Variants in SRGAP1 observed in about 807,000 individuals in gnomAD.
SRGAP1 encodes SLIT-ROBO Rho GTPase-activating protein 1.
SRGAP1 carries 43 observed loss-of-function variants against 121.9 expected under a neutral mutation model. That is an observed-to-expected ratio of 0.35 (90% CI 0.28 to 0.46). The LOEUF is 0.46. SRGAP1 is among the 20% of genes least tolerant of loss of function. SRGAP1 has a pLI of 1.00. For missense variants in SRGAP1, 1,102 were observed against 1,350.9 expected (o/e 0.82, Z 2.89); for synonymous variants, 447 against 485.4 (o/e 0.92, Z 1.04).
At chr12:63,898,062 T>C (rs1296150939) in intron 1 of SRGAP1, among the ~76,000 whole-genome samples, 1 of 152,226 alleles carries the variant, frequency 6.6e-6, no homozygotes, top group Non-Finnish European at 1.5e-5. Context: ...GCTGACTTTG[T>C]TATCTAACCA....
intron 1 of SRGAP1, among the ~76,000 whole-genome samples, chr12:63,862,383 C>T (rs1434441187): frequency 6.6e-6 from 1 of 152,102 alleles, no homozygotes; most frequent in Non-Finnish European, 1.5e-5. Flanking sequence ...CATTTACAAA[C>T]ATTCCAGCAG....
At chr12:63,873,794 G>A (rs1348406767) in intron 1 of SRGAP1, among the ~76,000 whole-genome samples, 2 of 151,608 alleles carry the variant, frequency 1.3e-5, no homozygotes, top group Non-Finnish European at 2.9e-5. Flanking sequence ...TTAGCCTCCT[G>A]AGTAGCTGGG....
At chr12:63,896,724 C>A (rs1231711366) in intron 1 of SRGAP1, among the ~76,000 whole-genome samples, 1 of 152,136 alleles carries the variant, frequency 6.6e-6, no homozygotes, top group Non-Finnish European at 1.5e-5. Flanking sequence ...CTTGTGTATA[C>A]CAGACAGAAT....
chr12:63,894,361 C>T (rs531386353), intron 1 of SRGAP1, among the ~76,000 whole-genome samples: 160 of 152,114 alleles, frequency 1.1e-3, no homozygotes, highest in Non-Finnish European at 1.7e-3. Context: ...TCTCCCCCTC[C>T]TAGCAACTCT....
At chr12:64,116,990 G>T (rs1360784244) in intron 18 of SRGAP1, among the ~76,000 whole-genome samples, 2 of 152,178 alleles carry the variant, frequency 1.3e-5, no homozygotes, top group Non-Finnish European at 2.9e-5. Context: ...ATTTCAGCAG[G>T]CTCTGGGGCA....
chr12:64,080,068 C>T (rs958889622), intron 9 of SRGAP1, among the ~76,000 whole-genome samples: 3 of 151,968 alleles, frequency 2.0e-5, no homozygotes, highest in Admixed American at 2.0e-4. Flanking sequence ...TACGGAGAAA[C>T]CCCATCTCTA....
At chr12:63,991,081 G>T (rs1021813249) in intron 3 of SRGAP1, among the ~76,000 whole-genome samples, 3 of 152,130 alleles carry the variant, frequency 2.0e-5, no homozygotes, top group African/African-American at 7.2e-5. Context: ...TAATAAAATG[G>T]GACCATTTCC....
intron 16 of SRGAP1, among the ~76,000 whole-genome samples, chr12:64,110,614 T>A (rs2036416812): frequency 6.6e-6 from 1 of 152,198 alleles, no homozygotes; most frequent in Non-Finnish European, 1.5e-5. Context: ...CCAGAAAGAT[T>A]AACTGTGACT....
chr12:64,095,600 A>G (rs1403214519), intron 14 of SRGAP1, among the ~76,000 whole-genome samples: 2 of 152,132 alleles, frequency 1.3e-5, no homozygotes, highest in African/African-American at 4.8e-5. Flanking sequence ...CTCACGGTCC[A>G]CAGACTCCTT....
rs1409696612 is a variant in SRGAP1 at position 64,150,841 on chromosome 12, A to G, written c.*8169A>G. ...TACTAGGTACTTGGGAGGCTGAGGC[A>G]GGAAGATTGCTTGAGCCCAGATGTT... is the stretch of plus-strand genomic sequence containing the variant. On this transcript the variant is annotated 3_prime_UTR_variant, in exon 22 of 22. Transcript: ENST00000355086. 6.7e-6 allele frequency: 1 copy of G among 149,164 alleles called. No homozygotes were observed. The highest frequency in any genetic ancestry group is 2.0e-4 in the East Asian group (1 of 4,940). 9.2% of individuals were successfully genotyped at this position (149,164 alleles called of 1,614,324 possible). A position where few individuals can be genotyped will look rare whatever the true frequency, so the allele number is the denominator to read the frequency against.
intron 3 of SRGAP1, among the ~76,000 whole-genome samples, chr12:63,997,805 G>C (rs1208800070): frequency 6.6e-6 from 1 of 152,016 alleles, no homozygotes. Context: ...ATTTCACTTG[G>C]ATTATGCACT....
chr12:63,954,688 A>AAAAAAAAAAAAAAAAAAG (rs57230527), intron 1 of SRGAP1, among the ~76,000 whole-genome samples: 75 of 130,234 alleles, frequency 5.8e-4, no homozygotes, highest in Non-Finnish European at 7.8e-4. Flanking sequence ...AAAAAAAAAA[A>AAAAAAAAAAAAAAAAAAG]AAAAGAAAAG....
intron 1 of SRGAP1, among the ~76,000 whole-genome samples, chr12:63,903,636 A>G (rs981756409): frequency 3.4e-5 from 5 of 147,906 alleles, no homozygotes; most frequent in Non-Finnish European, 7.4e-5. Context: ...GTCTTTGTTC[A>G]CCGCAACGTC....
chr12:63,939,967 CT>C (rs564072689), intron 1 of SRGAP1, among the ~76,000 whole-genome samples: 6 of 148,262 alleles, frequency 4.0e-5, no homozygotes, highest in South Asian at 2.1e-4. Context: ...CTTTTCTTTT[CT>C]TTTTTTTTTG....
chr12:63,910,634 C>T (rs2030449702), intron 1 of SRGAP1, among the ~76,000 whole-genome samples: 1 of 152,130 alleles, frequency 6.6e-6, no homozygotes, highest in African/African-American at 2.4e-5. Flanking sequence ...TGGAACCTTA[C>T]AGTAATGATT....
At chr12:64,097,775 T>C (rs1019440125) in intron 15 of SRGAP1, among the ~76,000 whole-genome samples, 5 of 152,190 alleles carry the variant, frequency 3.3e-5, no homozygotes, top group Non-Finnish European at 5.9e-5. Flanking sequence ...TCAATGTTAT[T>C]TCAAGAAATG....
At chr12:64,048,140 T>TATTAAC (rs1299700814) in intron 6 of SRGAP1, among the ~76,000 whole-genome samples, 1 of 152,202 alleles carries the variant, frequency 6.6e-6, no homozygotes, top group African/African-American at 2.4e-5. Flanking sequence ...TTTTTCTGCT[T>TATTAAC]ATTAACTATC....
chr12:64,094,200 C>G (rs1013507938), intron 12 of SRGAP1, among the ~76,000 whole-genome samples: 18 of 152,142 alleles, frequency 1.2e-4, no homozygotes, highest in South Asian at 2.1e-4. Flanking sequence ...ACTGTGGCCT[C>G]AGCAGCCCTT....
intron 1 of SRGAP1, chr12:63,983,659 A>T (rs894072487): frequency 2.0e-5 from 3 of 151,704 alleles, no homozygotes; most frequent in African/African-American, 7.3e-5. Context: ...AGTCTCAGCT[A>T]CTCAGGAGGC....
Sources: allele counts gnomAD v4.1 joint callset (sites outside exome capture counted in the v4.1 genomes callset), GRCh38; gene constraint gnomAD v4.1.1; transcripts MANE v1.5; gene names NCBI Gene and HGNC (gene_info 2026-07-23, HGNC 2026-07-21).